The following CGNL1 variants were observed in gnomAD, a reference collection of about 807,000 sequenced individuals.
CGNL1 encodes cingulin-like protein 1.
A neutral mutation model predicts 141.2 loss-of-function variants in CGNL1; 132 were observed. That is an observed-to-expected ratio of 0.93 (90% CI 0.81 to 1.08). CGNL1 has a LOEUF of 1.08. CGNL1 is among the 50% of genes least tolerant of loss of function. The pLI is 0.00. For missense variants in CGNL1, 1,870 were observed against 1,588.6 expected, an observed-to-expected ratio of 1.18 and a Z score of -3.01; for synonymous variants, 690 against 622.1, an observed-to-expected ratio of 1.11 and a Z score of -1.63.
chr15:57,461,300 A>G (rs2063442749), intron 7 of CGNL1, among the ~76,000 whole-genome samples: 1 of 152,224 alleles, frequency 6.6e-6, no homozygotes, highest in Non-Finnish European at 1.5e-5. Flanking sequence ...AAGGTAGGCA[A>G]GCTGGCGTGC....
chr15:57,503,452 G>A (rs1044875546), intron 8 of CGNL1, among the ~76,000 whole-genome samples: 1 of 152,174 alleles, frequency 6.6e-6, no homozygotes, highest in African/African-American at 2.4e-5. Context: ...ACTCTCATCA[G>A]ATAGGTCCTG....
intron 1 of CGNL1, among the ~76,000 whole-genome samples, chr15:57,427,501 T>A (rs1295276811): frequency 6.6e-6 from 1 of 152,186 alleles, no homozygotes; most frequent in African/African-American, 2.4e-5. Flanking sequence ...CATGGACGCT[T>A]CCCCAGTGGC....
chr15:57,438,113 C>T lies in CGNL1; in HGVS notation c.114C>T (p.Gly38=). The change falls in exon 2 of 19, where the codon GGC becomes GGT. Residue 38 remains glycine (G), a synonymous_variant. Transcript: ENST00000281282. ...KSRSSQNSKA[G]SYGVSIRVQG... The stretch of plus-strand genomic sequence containing the variant: ...GGAGTTCCCAGAACTCCAAGGCAGG[C>T]TCCTACGGTGTCAGTATTCGGGTCC... 6.2e-7 allele frequency: 1 copy of T among 1,614,172 alleles called. No individual in the cohort carries two copies. The highest frequency in any genetic ancestry group is 8.5e-7 in the Non-Finnish European group (1 of 1,180,016).
At chr15:57,386,622 C>T (rs1180651443) in intron 1 of CGNL1, among the ~76,000 whole-genome samples, 2 of 152,108 alleles carry the variant, frequency 1.3e-5, no homozygotes, top group Non-Finnish European at 2.9e-5. Flanking sequence ...TTTTCCCGTG[C>T]TTGTTGTGTG....
chr15:57,453,539 T>G, intron 6 of CGNL1, 144 bp from the exon 7 acceptor site: 1 of 971,654 alleles, frequency 1.0e-6, no homozygotes, highest in Non-Finnish European at 1.5e-6. Flanking sequence ...AGGTTGGTGA[T>G]CCCTTGCTCA....
intron 1 of CGNL1, among the ~76,000 whole-genome samples, chr15:57,417,430 T>G (rs1313041725): frequency 1.3e-5 from 2 of 152,022 alleles, no homozygotes; most frequent in African/African-American, 2.4e-5. Context: ...GATGGGGTTT[T>G]GCCATGTTGG....
At chr15:57,397,610 C>T (rs1356370137) in intron 1 of CGNL1, among the ~76,000 whole-genome samples, 1 of 152,132 alleles carries the variant, frequency 6.6e-6, no homozygotes, top group Non-Finnish European at 1.5e-5. Context: ...AAAACCCCCA[C>T]TATCATTTTA....
chr15:57,517,998 A>T (rs1231306169), intron 9 of CGNL1, among the ~76,000 whole-genome samples: 3 of 634 alleles, frequency 4.7e-3, no homozygotes, highest in African/African-American at 5.4e-3. Context: ...ATTTCTATTA[A>T]AAAAAAAAAA....
intron 8 of CGNL1, among the ~76,000 whole-genome samples, chr15:57,488,173 T>C (rs1350671683): frequency 2.0e-5 from 3 of 152,222 alleles, no homozygotes; most frequent in South Asian, 2.1e-4. Context: ...TATCTTTTCA[T>C]GTGCTTATTG....
chr15:57,528,626 A>T lies in CGNL1; in HGVS notation c.3040-28A>T, dbSNP rs762067644. The T allele has an allele frequency of 1.9e-6, 3 of 1,612,528 alleles. No homozygotes were observed. In the East Asian group the frequency reaches 6.7e-5, roughly 36 times the overall value. On this transcript the variant is annotated intron_variant, in intron 12 of 18. Coordinates refer to ENST00000281282, the MANE Select transcript of CGNL1 (RefSeq NM_032866.5). ...CTCTATGCTCTTGATGCACCCCAGA[A>T]AACCATCCCAGCTGTCTCTCCTCCT...
chr15:57,486,151 C>A (rs1481476094), intron 8 of CGNL1, among the ~76,000 whole-genome samples: 3 of 152,174 alleles, frequency 2.0e-5, no homozygotes, highest in Non-Finnish European at 1.5e-5. Context: ...AGGGCAGGGG[C>A]AGGCTCACCA....
At chr15:57,491,197 G>A (rs1567150610) in intron 8 of CGNL1, among the ~76,000 whole-genome samples, 1 of 152,202 alleles carries the variant, frequency 6.6e-6, no homozygotes, top group Non-Finnish European at 1.5e-5. Flanking sequence ...GTAAGATGCA[G>A]TAACAGGGGA....
At chr15:57,538,087 G>T (rs376147468) in intron 14 of CGNL1, among the ~76,000 whole-genome samples, 2 of 152,232 alleles carry the variant, frequency 1.3e-5, no homozygotes, top group Admixed American at 6.5e-5. Flanking sequence ...AAGTCAAGGG[G>T]CCTAGTCCTG....
At chr15:57,460,701 A>G (rs1207722693) in intron 7 of CGNL1, among the ~76,000 whole-genome samples, 2 of 152,192 alleles carry the variant, frequency 1.3e-5, no homozygotes, top group African/African-American at 2.4e-5. Context: ...CACAAGAGCA[A>G]CATGGGGAAA....
chr15:57,422,195 T>C (rs747196285), intron 1 of CGNL1, among the ~76,000 whole-genome samples: 14 of 149,568 alleles, frequency 9.4e-5, no homozygotes, highest in Non-Finnish European at 1.9e-4. Context: ...TTCTCTTCAG[T>C]TTTTTTCTCC....
chr15:57,444,269 C>G (rs920075244), intron 4 of CGNL1, among the ~76,000 whole-genome samples: 3 of 151,998 alleles, frequency 2.0e-5, no homozygotes, highest in Non-Finnish European at 4.4e-5. Flanking sequence ...TGCATGTACT[C>G]GTAGTTTTTT....
At position 57,547,705 on chromosome 15, in the gene CGNL1, G is replaced by A. The variant is rs1282126239; in HGVS notation, c.*215G>A. On this transcript the variant is annotated 3_prime_UTR_variant, in exon 19 of 19. Coordinates refer to ENST00000281282, the MANE Select transcript of CGNL1 (RefSeq NM_032866.5). ...AGTTTAAAATGTTGGGATGCCTGAG[G>A]ACCAGGAGCCACCACCCACTGGGGT... The A allele has an allele frequency of 3.9e-6, 2 of 516,370 alleles. No homozygotes were observed. Among genetic ancestry groups the A allele is most frequent in the Admixed American group, 3.9e-5 (1 of 25,938 alleles). The allele number at this position is 516,370 out of a possible 1,614,324, so 32.0% of individuals were successfully genotyped here.
At chr15:57,395,139 A>G (rs73421446) in intron 1 of CGNL1, among the ~76,000 whole-genome samples, 4,742 of 152,310 alleles carry the variant, frequency 0.031, 235 homozygotes, top group African/African-American at 0.11. Flanking sequence ...AAACCCCACC[A>G]AACCAAAAAA....
At chr15:57,539,461 C>A (rs1348582618) in intron 14 of CGNL1, among the ~76,000 whole-genome samples, 1 of 152,180 alleles carries the variant, frequency 6.6e-6, no homozygotes, top group African/African-American at 2.4e-5. Context: ...TGTGGCTTCT[C>A]ATTGACACCT....
Sources: allele counts gnomAD v4.1 joint callset (sites outside exome capture counted in the v4.1 genomes callset), GRCh38; gene constraint gnomAD v4.1.1; transcripts MANE v1.5; gene names NCBI Gene and HGNC (gene_info 2026-07-23, HGNC 2026-07-21).